TXNDC12: variants seen among roughly 807,000 people sequenced by gnomAD.
TXNDC12 encodes thioredoxin domain containing 12, also known as thioredoxin domain-containing protein 12.
A neutral mutation model predicts 24.2 loss-of-function variants in TXNDC12; 22 were observed. The observed-to-expected ratio is 0.91, with a 90% confidence interval of 0.65 to 1.30. The LOEUF is 1.30. TXNDC12 is among the 50% of genes most tolerant of loss of function. The probability of loss-of-function intolerance (pLI) is 0.00; values close to 1 mark genes in which losing one functional copy is unlikely to be tolerated. For synonymous variants in TXNDC12, 58 were observed against 73.4 expected (o/e 0.79, Z 1.07); for missense variants, 184 against 205.8 (o/e 0.89, Z 0.65).
At chr1:52,046,282 G>C (rs1686087762) in intron 1 of TXNDC12, among the ~76,000 whole-genome samples, 1 of 152,090 alleles carries the variant, frequency 6.6e-6, no homozygotes, top group Admixed American at 6.6e-5. Context: ...AAAGCAAGGA[G>C]ACTAATAAAG....
chr1:52,025,970 A>T (rs946924093), intron 4 of TXNDC12, among the ~76,000 whole-genome samples: 11 of 151,964 alleles, frequency 7.2e-5, no homozygotes, highest in Non-Finnish European at 1.6e-4. Context: ...CTGGGACTAC[A>T]GGCACGCACC....
intron 1 of TXNDC12, chr1:52,051,748 G>A (rs895339413): frequency 5.9e-6 from 1 of 169,242 alleles, no homozygotes; most frequent in Non-Finnish European, 1.5e-5. Flanking sequence ...GAAAACAGTA[G>A]AGATCATTCA....
chr1:52,047,210 C>T (rs1484108708), intron 1 of TXNDC12, among the ~76,000 whole-genome samples: 2 of 152,108 alleles, frequency 1.3e-5, no homozygotes, highest in African/African-American at 4.8e-5. Context: ...AGGGATTAGC[C>T]TTTGCTAGGA....
chr1:52,048,234 G>T (rs752891860), intron 1 of TXNDC12, among the ~76,000 whole-genome samples: 7 of 151,932 alleles, frequency 4.6e-5, no homozygotes, highest in Non-Finnish European at 1.0e-4. Context: ...GGAGGCCAAG[G>T]CAGGAGGATC....
intron 1 of TXNDC12, among the ~76,000 whole-genome samples, chr1:52,046,420 T>C (rs1202772357): frequency 6.6e-6 from 1 of 152,026 alleles, no homozygotes; most frequent in Non-Finnish European, 1.5e-5. Context: ...GCTATGGATA[T>C]GGGATATGAG....
chr1:52,032,407 G>C (rs1685778583), intron 2 of TXNDC12: 1 of 1,166,384 alleles, frequency 8.6e-7, no homozygotes, highest in Non-Finnish European at 1.1e-6. Flanking sequence ...TCAATGCTCT[G>C]TGATAGCCCA....
chr1:52,037,496 C>T (rs1307902601), intron 2 of TXNDC12, among the ~76,000 whole-genome samples: 16 of 152,100 alleles, frequency 1.1e-4, no homozygotes. Context: ...CAGGCATGAG[C>T]CACTGGGCCC....
chr1:52,054,902 A>T, intron 1 of TXNDC12, 98 bp downstream of exon 1: 1 of 903,788 alleles, frequency 1.1e-6, no homozygotes. Flanking sequence ...GTGGCCTAAG[A>T]GTTAGAATGG....
At chr1:52,021,072 C>T in intron 6 of TXNDC12, 60 bp from the exon 7 acceptor site, 1 of 1,173,288 alleles carries the variant, frequency 8.5e-7, no homozygotes, top group Non-Finnish European at 1.3e-6. Flanking sequence ...CATTTGACAA[C>T]CAATGTACAC....
At chr1:52,055,472 C>T (rs1300128155), upstream of TXNDC12, 3 of 229,580 alleles carry the variant, frequency 1.3e-5, no homozygotes, top group East Asian at 1.2e-4. Flanking sequence ...CCAGCCCCTC[C>T]CCCCAAGAAC....
At chr1:52,047,618 G>T (rs1462319809) in intron 1 of TXNDC12, among the ~76,000 whole-genome samples, 1 of 151,996 alleles carries the variant, frequency 6.6e-6, no homozygotes, top group African/African-American at 2.4e-5. Flanking sequence ...AAGAGAGAGA[G>T]AACTAAGCCA....
rs753109447 is a variant in TXNDC12 at position 52,055,072 on chromosome 1, C to T, written c.25G>A (p.Ala9Thr). Residue 9 changes from alanine to threonine, a missense_variant, in exon 1 of 7, where the codon GCC becomes ACC. Physicochemically the swap from Ala to Thr is moderately conservative, Grantham distance 58 (BLOSUM62 0). Transcript: ENST00000371626. ...AAACTGAAGCCCAGCAAACAGGTGG[C>T]CCCGAGACGAGGCCGCGTCTCCATG... METRPRLG[A>T]TCLLGFSFLL... 2 of 1,614,096 alleles carry T rather than the reference C, an allele frequency of 1.2e-6. No individual in the cohort carries two copies. Among genetic ancestry groups the T allele is most frequent in the Admixed American group, 1.7e-5 (1 of 60,028 alleles).
At chr1:52,044,296 A>C (rs1273965782) in intron 1 of TXNDC12, 2 of 152,258 alleles carry the variant, frequency 1.3e-5, no homozygotes, top group African/African-American at 4.8e-5. Context: ...GCAAGCGTCC[A>C]TTATGATGTG....
At chr1:52,032,590 A>C in intron 2 of TXNDC12, 1 of 1,473,166 alleles carries the variant, frequency 6.8e-7, no homozygotes, top group Non-Finnish European at 9.0e-7. Context: ...CAACAGCTCT[A>C]GTACAGTACT....
At chr1:52,054,925 G>T in intron 1 of TXNDC12, 75 bp downstream of exon 1, 1 of 1,171,674 alleles carries the variant, frequency 8.5e-7, no homozygotes, top group Non-Finnish European at 1.3e-6. Flanking sequence ...GGGGAACGGT[G>T]CTAGGGCAAG....
At chr1:52,045,133 A>C (rs1430954239) in intron 1 of TXNDC12, among the ~76,000 whole-genome samples, 1 of 152,248 alleles carries the variant, frequency 6.6e-6, no homozygotes, top group Non-Finnish European at 1.5e-5. Context: ...TTAAACATAT[A>C]CTAAGTGGAA....
chr1:52,028,072 G>A lies in TXNDC12; in HGVS notation c.211+506C>T, dbSNP rs1474022564. On this transcript the variant is annotated intron_variant, in intron 3 of 6. Transcript: ENST00000371626. ...ACTCCTGGCCTCAAGTGATCTGCCC[G>A]GCCCAGCCTCCCAGAGTGCTGGGAT... Among the ~76,000 whole-genome samples the A allele has an allele frequency of 4.6e-5, 7 of 151,858 alleles. No homozygotes were observed. In the East Asian group the frequency reaches 1.4e-3, roughly 29 times the overall value.
chr1:52,032,661 G>A, intron 2 of TXNDC12: 1 of 1,553,936 alleles, frequency 6.4e-7, no homozygotes, highest in Non-Finnish European at 8.7e-7. Flanking sequence ...GTGGAGTGGA[G>A]ATCAGAAGCC....
rs766161892 is a variant in TXNDC12, at chr1:52,024,470, TC to T, written c.355+39del. The stretch of plus-strand genomic sequence containing the variant: ...GTGCCTTGATTCATTTCTCTCTCCA[TC>T]CACATCATGGATTCCCAGGTTAAGA... On this transcript the variant is annotated intron_variant, in intron 5 of 6. Coordinates refer to ENST00000371626, the MANE Select transcript of TXNDC12 (RefSeq NM_015913.4). 3.4e-6 allele frequency: 5 copies of T among 1,492,330 alleles called. No individual in the cohort carries two copies. The East Asian group carries it at 1.1e-4, about 34-fold the overall frequency. 92.4% of individuals were successfully genotyped at this position (1,492,330 alleles called of 1,614,324 possible). A position where few individuals can be genotyped will look rare whatever the true frequency, so the allele number is the denominator to read the frequency against.
Sources: gnomAD v4.1 joint callset for allele counts (sites outside exome capture counted in the v4.1 genomes callset) on GRCh38, gnomAD v4.1.1 for gene constraint, MANE v1.5 for transcripts, NCBI Gene and HGNC (gene_info 2026-07-23, HGNC 2026-07-21) for gene names.